The following MTA3 variants were observed in gnomAD, a reference collection of about 807,000 sequenced individuals.
The protein encoded by MTA3 is metastasis-associated protein MTA3.
A neutral mutation model predicts 83.5 loss-of-function variants in MTA3; 34 were observed. The observed-to-expected ratio is 0.41, with a 90% CI of 0.31 to 0.54. The LOEUF (loss-of-function observed/expected upper bound fraction) is 0.54. Among genes scored for constraint, MTA3 ranks in the 20% least tolerant of loss-of-function variants. The pLI is 0.33. For missense variants in MTA3, 761 were observed against 726.4 expected, an observed-to-expected ratio of 1.05 and a Z score of -0.55; for synonymous variants, 303 against 252.7, an observed-to-expected ratio of 1.20 and a Z score of -1.89.
chr2:42,631,230 G>A (rs775669001), intron 4 of MTA3, among the ~76,000 whole-genome samples: 2 of 152,184 alleles, frequency 1.3e-5, no homozygotes, highest in African/African-American at 4.8e-5. Context: ...AGTATGCTTA[G>A]CCTCTTAAGA....
At chr2:42,527,824 T>TAA (rs70963324) in intron 2 of MTA3, among the ~76,000 whole-genome samples, 14 of 141,946 alleles carry the variant, frequency 9.9e-5, no homozygotes, top group Non-Finnish European at 1.4e-4. Flanking sequence ...ATCATGTCTT[T>TAA]AAAAAAAAAA....
intron 2 of MTA3, among the ~76,000 whole-genome samples, chr2:42,576,861 C>A (rs1679094196): frequency 6.6e-6 from 1 of 152,064 alleles, no homozygotes; most frequent in African/African-American, 2.4e-5. Flanking sequence ...CGTGCCATTG[C>A]ACTCCAGCCT....
chr2:42,701,589 CCT>C (rs926922695), intron 11 of MTA3, among the ~76,000 whole-genome samples: 4 of 151,564 alleles, frequency 2.6e-5, no homozygotes, highest in African/African-American at 7.3e-5. Flanking sequence ...AGAGTGAGAC[CCT>C]CTCTCAAAAA....
chr2:42,638,082 T>G (rs1223961828), intron 4 of MTA3, among the ~76,000 whole-genome samples: 2 of 152,112 alleles, frequency 1.3e-5, no homozygotes, highest in Admixed American at 1.3e-4. Context: ...ATTTAGCAGG[T>G]TTTACTCCTC....
intron 3 of MTA3, among the ~76,000 whole-genome samples, chr2:42,585,548 C>T (rs1330787740): frequency 2.7e-5 from 4 of 147,846 alleles, no homozygotes; most frequent in Non-Finnish European, 5.9e-5. Flanking sequence ...AATCTCAGCT[C>T]ACTGCAACCT....
chr2:42,552,123 G>A (rs1175367705), intron 2 of MTA3, among the ~76,000 whole-genome samples: 1 of 152,124 alleles, frequency 6.6e-6, no homozygotes, highest in Non-Finnish European at 1.5e-5. Flanking sequence ...CTCCCAAAGT[G>A]GGAGATGTAT....
chr2:42,733,350 C>T (rs1445799042), intron 16 of MTA3, among the ~76,000 whole-genome samples: 1 of 152,170 alleles, frequency 6.6e-6, no homozygotes, highest in African/African-American at 2.4e-5. Flanking sequence ...GACTTTTTCA[C>T]TATCATGAGA....
intron 4 of MTA3, among the ~76,000 whole-genome samples, chr2:42,637,347 C>T (rs892331421): frequency 9.2e-5 from 14 of 152,110 alleles, no homozygotes; most frequent in East Asian, 1.9e-4. Flanking sequence ...ATTAAAATAT[C>T]GTACATGACA....
intron 3 of MTA3, among the ~76,000 whole-genome samples, chr2:42,592,949 G>A (rs1382433548): frequency 1.3e-5 from 2 of 151,698 alleles, no homozygotes; most frequent in Non-Finnish European, 2.9e-5. Context: ...TCAGGAGTTC[G>A]AGACCAGCCT....
chr2:42,500,398 C>CA (rs900221531), intron 2 of MTA3, among the ~76,000 whole-genome samples: 6 of 149,066 alleles, frequency 4.0e-5, no homozygotes, highest in African/African-American at 4.9e-5. Flanking sequence ...GATTCCATCT[C>CA]AAAAAAAAAA....
intron 4 of MTA3, among the ~76,000 whole-genome samples, chr2:42,615,655 A>G (rs981589086): frequency 5.1e-5 from 7 of 136,592 alleles, no homozygotes; most frequent in African/African-American, 8.4e-5. Flanking sequence ...CGCCTGGCCA[A>G]TTTTACTTTT....
chr2:42,734,526 A>T (rs1668478884), intron 16 of MTA3, among the ~76,000 whole-genome samples: 1 of 119,508 alleles, frequency 8.4e-6, no homozygotes, highest in Non-Finnish European at 1.7e-5. Flanking sequence ...TTTTGGTTGG[A>T]GAGTTTGGTC....
chr2:42,752,350 C>G (rs957730576), intron 16 of MTA3: 31 of 463,612 alleles, frequency 6.7e-5, no homozygotes, highest in Non-Finnish European at 2.7e-5. Context: ...GGTGATGTGC[C>G]TGGGGCAGAG....
intron 14 of MTA3, among the ~76,000 whole-genome samples, chr2:42,709,784 TC>T (rs1666446785): frequency 6.6e-6 from 1 of 152,230 alleles, no homozygotes; most frequent in Admixed American, 6.5e-5. Flanking sequence ...CAGTTTGGTT[TC>T]CATTTCATGA....
intron 2 of MTA3, among the ~76,000 whole-genome samples, chr2:42,506,849 C>T (rs1055230350): frequency 2.6e-5 from 4 of 151,930 alleles, no homozygotes; most frequent in Admixed American, 6.6e-5. Flanking sequence ...TCAGGTGATC[C>T]GGCCGTCTTG....
rs951055549 is a variant in MTA3 at position 42,754,397 on chromosome 2, C to G, written c.*998C>G. 3.0e-6 allele frequency: 3 copies of G among 985,410 alleles called. No homozygotes were observed. Among genetic ancestry groups the G allele is most frequent in the African/African-American group, 3.5e-5 (2 of 57,226 alleles). The allele number at this position is 985,410 out of a possible 1,614,324, so 61.0% of individuals were successfully genotyped here. ...GACCCCCACCCCTCCAGCCCAACATCTTGTGAGCACATGTGACCTAGGCCC... is the reference window on the plus strand; with the variant it reads ...GACCCCCACCCCTCCAGCCCAACATGTTGTGAGCACATGTGACCTAGGCCC... On this transcript the variant is annotated 3_prime_UTR_variant, in exon 17 of 17. Coordinates refer to ENST00000405094, the MANE Select transcript of MTA3 (RefSeq NM_001330442.2).
chr2:42,566,257 A>T (rs1677907575), upstream of MTA3, among the ~76,000 whole-genome samples: 1 of 152,118 alleles, frequency 6.6e-6, no homozygotes, highest in African/African-American at 2.4e-5. Context: ...TTTGGTTGAA[A>T]GGTTTCTTTC....
chr2:42,634,107 C>A (rs373240730), intron 4 of MTA3, among the ~76,000 whole-genome samples: 2 of 152,090 alleles, frequency 1.3e-5, no homozygotes, highest in African/African-American at 4.8e-5. Flanking sequence ...GCCAGGGATG[C>A]TGCTCAACAT....
intron 3 of MTA3, among the ~76,000 whole-genome samples, chr2:42,596,903 CAA>C (rs1681852274): frequency 6.6e-6 from 1 of 151,826 alleles, no homozygotes; most frequent in Non-Finnish European, 1.5e-5. Context: ...AAATTTTCCA[CAA>C]GTTATCTTTT....
Sources: allele counts gnomAD v4.1 joint callset (sites outside exome capture counted in the v4.1 genomes callset), GRCh38; gene constraint gnomAD v4.1.1; transcripts MANE v1.5; gene names NCBI Gene and HGNC (gene_info 2026-07-23, HGNC 2026-07-21).